The following PDE6G variants were observed in gnomAD, a reference collection of about 807,000 sequenced individuals.
PDE6G encodes rod cGMP 3',5'-cyclic phosphodiesterase subunit gamma.
In PDE6G, 10 loss-of-function variants were observed where a neutral mutation model predicts 10.9. That is an observed-to-expected ratio of 0.91 (90% confidence interval 0.56 to 1.55). The LOEUF (loss-of-function observed/expected upper bound fraction) is 1.55. Ranked by LOEUF, PDE6G falls within the 40% of genes most tolerant of loss-of-function variation. The pLI, the probability that PDE6G is intolerant of heterozygous loss-of-function variation, is 0.00. For synonymous variants in PDE6G, 41 were observed against 42.8 expected, an observed-to-expected ratio of 0.96 and a Z score of 0.16; for missense variants, 102 against 110.1, an observed-to-expected ratio of 0.93 and a Z score of 0.33.
rs2144402492 is a variant in PDE6G, at chr17:81,653,499, C to T, written c.-59-135G>A. ...TCATCCAGACAGCAGCCCCTGCAAT[C>T]CGCCCTGGGGTAACCAGCCTGCCAG... On this transcript the variant is annotated intron_variant, in intron 1 of 3. Coordinates refer to ENST00000331056, the MANE Select transcript of PDE6G (RefSeq NM_002602.4). This position sits in a 1 kb window ranked among gnomAD's most constrained non-coding sequence, Gnocchi z 5.2. 6.3e-6 allele frequency: 4 copies of T among 638,990 alleles called. No homozygotes were observed. In the East Asian group the frequency reaches 1.1e-4, roughly 18 times the overall value. The allele number at this position is 638,990 out of a possible 1,614,324, so 39.6% of individuals were successfully genotyped here.
upstream of PDE6G, among the ~76,000 whole-genome samples, chr17:81,659,107 AATCCCTCACTC>A (rs1349415394): frequency 6.6e-6 from 1 of 151,722 alleles, no homozygotes; most frequent in African/African-American, 2.4e-5. Context: ...CACATGGCTC[AATCCCTCACTC>A]AGCCCCAGAG....
rs561844740 is a variant in PDE6G, at chr17:81,653,384, G to C, written c.-59-20C>G. ...TGCGGTCTGGGGGCAGACCAGGCCCGGGTCCCAGTCAGCCCTCCTGCTTCC... is the reference window on the plus strand; with the variant it reads ...TGCGGTCTGGGGGCAGACCAGGCCCCGGTCCCAGTCAGCCCTCCTGCTTCC... On this transcript the variant is annotated intron_variant, in intron 1 of 3. Coordinates refer to ENST00000331056, the MANE Select transcript of PDE6G (RefSeq NM_002602.4). The surrounding 1 kb of genome is among the most constrained non-coding windows in gnomAD (Gnocchi z 5.2). The C allele has an allele frequency of 6.5e-7, 1 of 1,543,530 alleles. No homozygotes were observed. The highest frequency in any genetic ancestry group is 1.1e-5 in the South Asian group (1 of 88,318).
chr17:81,661,587 G>A (rs2036510979), intron 1 of PDE6G, among the ~76,000 whole-genome samples: 1 of 151,944 alleles, frequency 6.6e-6, no homozygotes, highest in Admixed American at 6.6e-5. Context: ...CATGCCGGGT[G>A]CAGTGGCTCA....
upstream of PDE6G, among the ~76,000 whole-genome samples, chr17:81,658,119 C>G (rs2036472319): frequency 1.3e-5 from 2 of 151,904 alleles, no homozygotes; most frequent in South Asian, 4.2e-4. Flanking sequence ...GAGTCTCGCT[C>G]TGTTGCCCAG....
At position 81,653,072 on chromosome 17, in the gene PDE6G, C is replaced by T. The variant is rs571454085; in HGVS notation, c.146+88G>A. On this transcript the variant is annotated intron_variant, in intron 2 of 3. Coordinates refer to ENST00000331056, the MANE Select transcript of PDE6G (RefSeq NM_002602.4). The surrounding 1 kb of genome is among the most constrained non-coding windows in gnomAD (Gnocchi z 5.2). The stretch of plus-strand genomic sequence containing the variant: ...TGGGACCACTCACCCAGTGAAGTGG[C>T]CCCAGGCTCTGCCCCGCCCTCCCCT... 19 of 1,470,178 alleles carry T rather than the reference C, an allele frequency of 1.3e-5. No individual in the cohort carries two copies. Among genetic ancestry groups the T allele is most frequent in the South Asian group, 2.3e-5 (2 of 87,936 alleles). The allele number at this position is 1,470,178 out of a possible 1,614,324, so 91.1% of individuals were successfully genotyped here. A position where few individuals can be genotyped will look rare whatever the true frequency, so the allele number is the denominator to read the frequency against.
At position 81,650,806 on chromosome 17, in the gene PDE6G, G is replaced by A. The variant is rs1420089359; in HGVS notation, c.*268C>T. The A allele has an allele frequency of 8.9e-6, 5 of 562,160 alleles. No individual in the cohort carries two copies. In the East Asian group the frequency reaches 2.0e-4, roughly 22 times the overall value. 34.8% of individuals were successfully genotyped at this position (562,160 alleles called of 1,614,324 possible). A position where few individuals can be genotyped will look rare whatever the true frequency, so the allele number is the denominator to read the frequency against. ...CTCCCTGGGAGTGGAGACCGACCAA[G>A]CCTCTCTGTGGGCAGGACTGAGGGG... On this transcript the variant is annotated 3_prime_UTR_variant, in exon 4 of 4. Coordinates refer to ENST00000331056, the MANE Select transcript of PDE6G (RefSeq NM_002602.4).
At chr17:81,661,432 G>A (rs1223676306), upstream of PDE6G, among the ~76,000 whole-genome samples, 1 of 152,226 alleles carries the variant, frequency 6.6e-6, no homozygotes, top group African/African-American at 2.4e-5. Flanking sequence ...AAGCCTGAAA[G>A]CCAGCCAGGC....
upstream of PDE6G, among the ~76,000 whole-genome samples, chr17:81,660,262 A>C (rs555422260): frequency 6.6e-6 from 1 of 151,896 alleles, no homozygotes; most frequent in African/African-American, 2.4e-5. Context: ...AAATACAAAA[A>C]ATTAGCCAGG....
upstream of PDE6G, among the ~76,000 whole-genome samples, chr17:81,657,806 G>A (rs190802883): frequency 5.8e-3 from 887 of 151,964 alleles, 3 homozygotes; most frequent in Non-Finnish European, 7.9e-3. Context: ...GCGTGAACCC[G>A]GGAGGCGGAG....
intron 1 of PDE6G, among the ~76,000 whole-genome samples, chr17:81,661,964 G>A (rs1235600593): frequency 6.6e-6 from 1 of 151,750 alleles, no homozygotes; most frequent in Non-Finnish European, 1.5e-5. Flanking sequence ...CCGGGAGGCA[G>A]AGGTTGCAGT....
upstream of PDE6G, chr17:81,656,685 C>A (rs1238095983): frequency 2.9e-6 from 2 of 699,684 alleles, no homozygotes; most frequent in Non-Finnish European, 5.2e-6. Flanking sequence ...GGCTCAGGTG[C>A]TGTCAAGGGC....
At chr17:81,652,977 A>T (rs370941509) in intron 2 of PDE6G, among the ~76,000 whole-genome samples, 183 bp downstream of exon 2, 1 of 151,620 alleles carries the variant, frequency 6.6e-6, no homozygotes, top group East Asian at 2.0e-4. Flanking sequence ...GGAGCCCCCA[A>T]TTCCCCTTCC....
At chr17:81,656,970 C>G (rs1598722327), upstream of PDE6G, 1 of 286,652 alleles carries the variant, frequency 3.5e-6, no homozygotes. Flanking sequence ...CTCCTGAAAC[C>G]AAACAAGGAC....
At chr17:81,658,806 A>G (rs1333885220), upstream of PDE6G, among the ~76,000 whole-genome samples, 1 of 152,150 alleles carries the variant, frequency 6.6e-6, no homozygotes. Flanking sequence ...GCACCACTGC[A>G]CTCCAGCCTG....
rs769993754 is a variant in PDE6G, at chr17:81,650,984, A to G, written c.*90T>C. The G allele has an allele frequency of 1.1e-6, 1 of 949,800 alleles. No homozygotes were observed. The highest frequency in any genetic ancestry group is 1.7e-6 in the Non-Finnish European group (1 of 578,556). The allele number at this position is 949,800 out of a possible 1,614,324, so 58.8% of individuals were successfully genotyped here. A position where few individuals can be genotyped will look rare whatever the true frequency, so the allele number is the denominator to read the frequency against. On this transcript the variant is annotated 3_prime_UTR_variant, in exon 4 of 4. Coordinates refer to ENST00000331056, the MANE Select transcript of PDE6G (RefSeq NM_002602.4). Reference sequence around the variant, plus strand: ...CTGGTGTCCAGGTGCCATCTGGGCTAGGGAGGCATCTCCTCAACAGGAATC... The same window carrying G: ...CTGGTGTCCAGGTGCCATCTGGGCTGGGGAGGCATCTCCTCAACAGGAATC...
chr17:81,652,402 G>A (rs549845230), intron 2 of PDE6G, among the ~76,000 whole-genome samples: 86 of 151,974 alleles, frequency 5.7e-4, no homozygotes, highest in African/African-American at 1.9e-3. Context: ...TCAGCCTCCC[G>A]AGTAGCTGGG....
chr17:81,654,380 T>TC, intron 1 of PDE6G, among the ~76,000 whole-genome samples: 2 of 40,902 alleles, frequency 4.9e-5, no homozygotes, highest in African/African-American at 3.0e-4. Flanking sequence ...CCTCTGATTC[T>TC]TTTTTTTTTT....
Position 81,650,833 on chromosome 17 carries a change from G to A in PDE6G, c.*241C>T, listed in dbSNP as rs2036338553. On this transcript the variant is annotated 3_prime_UTR_variant, in exon 4 of 4. Transcript: ENST00000331056. The stretch of plus-strand genomic sequence containing the variant: ...CTCTCTGTGGGCAGGACTGAGGGGT[G>A]GGCCTGTATCTCCAGATGTTGAGCA... 1.6e-6 allele frequency: 1 copy of A among 608,714 alleles called. No homozygotes were observed. Among genetic ancestry groups the A allele is most frequent in the Non-Finnish European group, 3.1e-6 (1 of 325,986 alleles). The allele number at this position is 608,714 out of a possible 1,614,324, so 37.7% of individuals were successfully genotyped here. A position where few individuals can be genotyped will look rare whatever the true frequency, so the allele number is the denominator to read the frequency against.
chr17:81,661,623 G>GGC (rs2036511408), intron 1 of PDE6G, among the ~76,000 whole-genome samples: 1 of 152,172 alleles, frequency 6.6e-6, no homozygotes, highest in African/African-American at 2.4e-5. Context: ...CACTTTGGGA[G>GGC]GCTGAGGCGG....
Sources: allele counts gnomAD v4.1 joint callset (sites outside exome capture counted in the v4.1 genomes callset), GRCh38; gene constraint gnomAD v4.1.1; non-coding constraint Gnocchi (gnomAD v3.1); transcripts MANE v1.5; gene names NCBI Gene and HGNC (gene_info 2026-07-23, HGNC 2026-07-21).